Variants in ABTB3 observed in about 807,000 individuals in gnomAD.
The protein encoded by ABTB3 is ankyrin repeat and BTB domain containing 3, also known as ankyrin repeat- and BTB/POZ domain-containing protein 3.
the ABTB3 span, among the ~76,000 whole-genome samples, chr12:107,508,687 A>T: frequency 6.6e-6 from 1 of 151,844 alleles, no homozygotes; most frequent in Non-Finnish European, 1.5e-5. Context: ...TGACCTTGTG[A>T]TCTGCCTGAC....
At chr12:107,654,815 T>TACACAC in the ABTB3 span, among the ~76,000 whole-genome samples, 5,049 of 141,144 alleles carry the variant, frequency 0.036, 118 homozygotes, top group South Asian at 0.065. Flanking sequence ...CTACATTGTA[T>TACACAC]ACACACACAC....
At chr12:107,589,096 C>T in the ABTB3 span, among the ~76,000 whole-genome samples, 4 of 152,164 alleles carry the variant, frequency 2.6e-5, no homozygotes, top group African/African-American at 7.2e-5. Flanking sequence ...TAATTATACC[C>T]ACCTCATAAG....
the ABTB3 span, among the ~76,000 whole-genome samples, chr12:107,395,315 A>G: frequency 6.6e-6 from 1 of 152,140 alleles, no homozygotes; most frequent in African/African-American, 2.4e-5. Context: ...ATCTCTGTCC[A>G]TGCTGATCTT....
chr12:107,416,538 A>C, the ABTB3 span, among the ~76,000 whole-genome samples: 1 of 151,590 alleles, frequency 6.6e-6, no homozygotes, highest in Non-Finnish European at 1.5e-5. Flanking sequence ...AACCCCCATC[A>C]CCTCCCTGTC....
chr12:107,377,491 T>C, the ABTB3 span, among the ~76,000 whole-genome samples: 6 of 151,726 alleles, frequency 4.0e-5, no homozygotes, highest in African/African-American at 1.2e-4. Context: ...ATCTCCTTAT[T>C]TGCTTCTTGG....
At chr12:107,497,336 C>T in the ABTB3 span, among the ~76,000 whole-genome samples, 1 of 151,710 alleles carries the variant, frequency 6.6e-6, no homozygotes, top group Non-Finnish European at 1.5e-5. Context: ...ATCACCATCC[C>T]CACCTCTATC....
the ABTB3 span, among the ~76,000 whole-genome samples, chr12:107,327,279 C>G: frequency 6.6e-6 from 1 of 152,148 alleles, no homozygotes; most frequent in African/African-American, 2.4e-5. Flanking sequence ...ACTTCCTTTT[C>G]CCCACACCTG....
the ABTB3 span, chr12:107,658,511 A>G: frequency 6.5e-6 from 1 of 152,674 alleles, no homozygotes; most frequent in African/African-American, 2.4e-5. Flanking sequence ...AGCAACCTGC[A>G]TGCTAATCGT....
the ABTB3 span, among the ~76,000 whole-genome samples, chr12:107,636,331 C>G: frequency 6.6e-6 from 1 of 152,204 alleles, no homozygotes; most frequent in South Asian, 2.1e-4. Flanking sequence ...GTTGCAAGGG[C>G]CTGTCTCCCT....
At chr12:107,606,211 A>G in the ABTB3 span, among the ~76,000 whole-genome samples, 1 of 152,134 alleles carries the variant, frequency 6.6e-6, no homozygotes, top group Non-Finnish European at 1.5e-5. Flanking sequence ...TCATCTGTGG[A>G]GTGGGGCTTC....
At chr12:107,543,972 C>T in the ABTB3 span, 1 of 1,613,862 alleles carries the variant, frequency 6.2e-7, no homozygotes, top group Non-Finnish European at 8.5e-7. Flanking sequence ...ACCTGCAGCC[C>T]CTCAATGCCA....
the ABTB3 span, among the ~76,000 whole-genome samples, chr12:107,538,872 G>A: frequency 1.3e-5 from 2 of 152,314 alleles, no homozygotes; most frequent in South Asian, 4.1e-4. Flanking sequence ...GACTTTGGGA[G>A]ATGTTTGGGA....
the ABTB3 span, among the ~76,000 whole-genome samples, chr12:107,527,970 G>A: frequency 4.6e-5 from 7 of 152,196 alleles, no homozygotes; most frequent in Non-Finnish European, 7.3e-5. Flanking sequence ...TAGTCTGTGA[G>A]AAAAGGGTGA....
chr12:107,410,542 A>T, the ABTB3 span, among the ~76,000 whole-genome samples: 3,167 of 152,316 alleles, frequency 0.021, 82 homozygotes, highest in African/African-American at 0.057. Context: ...GAGTTCCTGC[A>T]GTGAAATGGG....
the ABTB3 span, among the ~76,000 whole-genome samples, chr12:107,522,566 T>C: frequency 2.0e-5 from 3 of 152,014 alleles, no homozygotes; most frequent in Non-Finnish European, 4.4e-5. Context: ...TTTATTTTTT[T>C]AATTGTCTCT....
the ABTB3 span, among the ~76,000 whole-genome samples, chr12:107,429,314 T>A: frequency 2.0e-5 from 3 of 152,142 alleles, no homozygotes; most frequent in Non-Finnish European, 4.4e-5. Context: ...GCCCACTATA[T>A]CTTTTGCCTC....
chr12:107,608,898 A>AAAATAAAATAAAAT, the ABTB3 span, among the ~76,000 whole-genome samples: 12 of 78,668 alleles, frequency 1.5e-4, no homozygotes, highest in South Asian at 3.7e-4. Context: ...TAAAATAAAT[A>AAAATAAAATAAAAT]AAATAAAATA....
chr12:107,497,280 C>G, the ABTB3 span, among the ~76,000 whole-genome samples: 1 of 151,200 alleles, frequency 6.6e-6, no homozygotes, highest in African/African-American at 2.4e-5. Flanking sequence ...CCAACTTTAT[C>G]CTCAACACCA....
chr12:107,383,428 G>A, the ABTB3 span, among the ~76,000 whole-genome samples: 1 of 152,234 alleles, frequency 6.6e-6, no homozygotes, highest in African/African-American at 2.4e-5. Context: ...CTCCTTGCCA[G>A]CCAGGTGACC....
Sources: allele counts gnomAD v4.1 joint callset (sites outside exome capture counted in the v4.1 genomes callset), GRCh38; gene constraint gnomAD v4.1.1; transcripts MANE v1.5; gene names NCBI Gene and HGNC (gene_info 2026-07-23, HGNC 2026-07-21).